PCNX2: variants seen among roughly 807,000 people sequenced by gnomAD.
PCNX2 encodes the protein pecanex-like protein 2.
In PCNX2, 168 loss-of-function variants were observed where a neutral mutation model predicts 223.8. The observed-to-expected ratio is 0.75, with a 90% CI of 0.66 to 0.85. PCNX2 has a LOEUF of 0.85. PCNX2 is among the 40% of genes least tolerant of loss of function. The pLI is 0.00. For synonymous variants in PCNX2, 1,006 were observed against 1,052.6 expected, an observed-to-expected ratio of 0.96 and a Z score of 0.86; for missense variants, 2,507 against 2,675.5, an observed-to-expected ratio of 0.94 and a Z score of 1.39.
the PCNX2 span, among the ~76,000 whole-genome samples, chr1:233,311,705 TA>T: frequency 1.3e-5 from 2 of 151,722 alleles, no homozygotes; most frequent in Non-Finnish European, 2.9e-5. Context: ...ACAATAAAAA[TA>T]AACATATTAG....
At chr1:233,039,258 T>C (rs539313969) in intron 25 of PCNX2, among the ~76,000 whole-genome samples, 16 of 152,308 alleles carry the variant, frequency 1.1e-4, no homozygotes, top group Admixed American at 1.0e-3. Context: ...TTCCTCCCTC[T>C]GTTCCTTCCC....
chr1:233,032,165 C>A (rs996619823), intron 25 of PCNX2: 2 of 703,812 alleles, frequency 2.8e-6, no homozygotes, highest in African/African-American at 3.9e-5. Flanking sequence ...TGCAATGGCG[C>A]GATCTTGGCT....
rs116108245 is a variant in PCNX2, at chr1:232,988,003, C to T, written c.5792-1463G>A. Among the ~76,000 whole-genome samples the T allele has an allele frequency of 6.1e-4, 93 of 152,338 alleles. 1 individual carries two copies. The East Asian group carries it at 0.012, about 19-fold the overall frequency. ...CTCAGCCCCTCGCATGGGGCCCACCCGCCTCTGCTGCAGGAGGGGTGCATT... is the reference window on the plus strand; with the variant it reads ...CTCAGCCCCTCGCATGGGGCCCACCTGCCTCTGCTGCAGGAGGGGTGCATT... On this transcript the variant is annotated intron_variant, in intron 32 of 33. Coordinates refer to ENST00000258229, the MANE Select transcript of PCNX2 (RefSeq NM_014801.4).
chr1:233,277,257 T>C (rs1660964640), intron 1 of PCNX2, among the ~76,000 whole-genome samples: 1 of 152,218 alleles, frequency 6.6e-6, no homozygotes, highest in Non-Finnish European at 1.5e-5. Context: ...CTGGGAGGCC[T>C]GGCGTGGCCT....
intron 12 of PCNX2, among the ~76,000 whole-genome samples, chr1:233,211,282 C>A (rs1681803122): frequency 6.6e-6 from 1 of 152,036 alleles, no homozygotes; most frequent in Non-Finnish European, 1.5e-5. Context: ...CAGAAGAGAG[C>A]CCCTGACATC....
At chr1:233,229,237 C>T (rs990778627) in intron 9 of PCNX2, among the ~76,000 whole-genome samples, 6 of 152,078 alleles carry the variant, frequency 3.9e-5, no homozygotes, top group Non-Finnish European at 5.9e-5. Flanking sequence ...GGAGTTATTC[C>T]GGATATCAAA....
At chr1:233,313,490 C>T in the PCNX2 span, among the ~76,000 whole-genome samples, 2 of 151,530 alleles carry the variant, frequency 1.3e-5, no homozygotes, top group African/African-American at 4.9e-5. Context: ...ATTTGTACTA[C>T]AACTTAGAAA....
intron 21 of PCNX2, among the ~76,000 whole-genome samples, chr1:233,117,439 G>T (rs1371044216): frequency 6.6e-6 from 1 of 150,836 alleles, no homozygotes; most frequent in Non-Finnish European, 1.5e-5. Context: ...AGACCATCCT[G>T]GCTAACACAG....
rs1675095841 is a variant in PCNX2 at position 233,111,208 on chromosome 1, G to A, written c.3838-15345C>T. Among the ~76,000 whole-genome samples, 5 of 152,122 alleles carry A rather than the reference G, an allele frequency of 3.3e-5. 1 individual carries two copies. In the South Asian group the frequency reaches 8.3e-4, roughly 25 times the overall value. On this transcript the variant is annotated intron_variant, in intron 21 of 33. Transcript: ENST00000258229. ...GCTAGGTCTGCCTCTTATTAGTTGT[G>A]AGATGGGTTTCAGTCCACTGAGCCT...
chr1:233,025,654 T>C (rs940637952), intron 25 of PCNX2: 3 of 518,768 alleles, frequency 5.8e-6, no homozygotes, highest in African/African-American at 3.8e-5. Context: ...TATGGAGATA[T>C]GAGCTAAATG....
chr1:233,223,951 C>T (rs7520943), intron 10 of PCNX2, among the ~76,000 whole-genome samples: 1 of 152,184 alleles, frequency 6.6e-6, no homozygotes, highest in Non-Finnish European at 1.5e-5. Flanking sequence ...AACATCAGTG[C>T]CCTTCCCTCT....
chr1:233,127,928 G>T (rs1188493790), intron 21 of PCNX2, among the ~76,000 whole-genome samples: 2 of 152,050 alleles, frequency 1.3e-5, no homozygotes, highest in African/African-American at 4.8e-5. Flanking sequence ...AAAGTATTTT[G>T]AACAAGTACT....
At chr1:233,190,474 A>G (rs1558325767) in intron 15 of PCNX2, among the ~76,000 whole-genome samples, 1 of 152,250 alleles carries the variant, frequency 6.6e-6, no homozygotes, top group Non-Finnish European at 1.5e-5. Context: ...AGGAGAAGGA[A>G]GAAATTCAAA....
At chr1:233,212,075 T>G (rs1681852577) in intron 12 of PCNX2, among the ~76,000 whole-genome samples, 1 of 152,250 alleles carries the variant, frequency 6.6e-6, no homozygotes, top group Admixed American at 6.5e-5. Context: ...CATTATTTTT[T>G]GGTGGCTGTT....
In PCNX2 at chr1:232,990,629, G is replaced by A. The variant is rs545153716; in HGVS notation, c.5792-4089C>T. Among the ~76,000 whole-genome samples, 97 of 152,292 alleles carry A rather than the reference G, an allele frequency of 6.4e-4. No individual in the cohort carries two copies. The highest frequency in any genetic ancestry group is 2.0e-3 in the African/African-American group (84 of 41,556). On this transcript the variant is annotated intron_variant, in intron 32 of 33. Transcript: ENST00000258229. The surrounding 1 kb of genome is among the most constrained non-coding windows in gnomAD (Gnocchi z 4.3). ...CCACTCATTCGTCCAACCTTTGTCT[G>A]CTGAGCCCAGATCATGCTTACCACC... is the stretch of plus-strand genomic sequence containing the variant.
the PCNX2 span, among the ~76,000 whole-genome samples, chr1:233,304,348 A>G: frequency 3.9e-5 from 6 of 152,194 alleles, no homozygotes; most frequent in Admixed American, 3.9e-4. Context: ...GAGGGGGCAG[A>G]GAAAAGGTAG....
chr1:233,212,652 G>A (rs1370653850), intron 12 of PCNX2, among the ~76,000 whole-genome samples: 1 of 152,194 alleles, frequency 6.6e-6, no homozygotes, highest in Non-Finnish European at 1.5e-5. Context: ...TACTGTCTCA[G>A]CACTGCCCTC....
chr1:233,274,819 T>G (rs573357645), intron 1 of PCNX2, among the ~76,000 whole-genome samples: 1 of 152,332 alleles, frequency 6.6e-6, no homozygotes, highest in African/African-American at 2.4e-5. Context: ...ATGAAAAATC[T>G]TGACATTAGG....
chr1:233,283,461 C>A (rs547196931), intron 1 of PCNX2, among the ~76,000 whole-genome samples: 1 of 152,092 alleles, frequency 6.6e-6, no homozygotes, highest in East Asian at 1.9e-4. Context: ...AGGGAAAGTA[C>A]GAGCTAAGCC....
Sources: allele counts gnomAD v4.1 joint callset (sites outside exome capture counted in the v4.1 genomes callset), GRCh38; gene constraint gnomAD v4.1.1; non-coding constraint Gnocchi (gnomAD v3.1); transcripts MANE v1.5; gene names NCBI Gene and HGNC (gene_info 2026-07-23, HGNC 2026-07-21).